PAPPA: variants seen among roughly 807,000 people sequenced by gnomAD.
The protein encoded by PAPPA is pappalysin-1.
Under a neutral mutation model 164.0 loss-of-function variants are expected in PAPPA, and 60 were observed. The ratio of observed to expected loss-of-function variants is 0.37; its 90% CI spans 0.30 to 0.45. PAPPA has a LOEUF of 0.45. PAPPA is among the 20% of genes least tolerant of loss of function. The pLI is 1.00. For missense variants in PAPPA, 1,782 were observed against 2,087.3 expected (o/e 0.85, Z 2.85); for synonymous variants, 875 against 814.1 (o/e 1.07, Z -1.27).
At chr9:116,334,812 G>A (rs1846039540) in intron 12 of PAPPA, 49 bp from the exon 13 acceptor site, 2 of 1,442,398 alleles carry the variant, frequency 1.4e-6, no homozygotes, top group South Asian at 1.2e-5. Flanking sequence ...GGCGTGACTG[G>A]CCTTGAGTAA....
At chr9:116,394,443 G>A (rs1403423932) in intron 21 of PAPPA, among the ~76,000 whole-genome samples, 2 of 152,164 alleles carry the variant, frequency 1.3e-5, no homozygotes, top group Admixed American at 6.5e-5. Context: ...CATTCAACGA[G>A]TATGAAGCAA....
At chr9:116,308,278 C>T (rs915122132) in intron 10 of PAPPA, among the ~76,000 whole-genome samples, 3 of 152,110 alleles carry the variant, frequency 2.0e-5, no homozygotes, top group Non-Finnish European at 2.9e-5. Flanking sequence ...GGAGTTTCCC[C>T]GAGGAAGAAA....
chr9:116,325,786 T>C (rs1393023458), intron 10 of PAPPA, among the ~76,000 whole-genome samples: 1 of 152,154 alleles, frequency 6.6e-6, no homozygotes, highest in Non-Finnish European at 1.5e-5. Context: ...GAGATGGTTC[T>C]ACACAGCAAA....
At chr9:116,158,912 AGTCCTC>A (rs1235514469) in intron 1 of PAPPA, among the ~76,000 whole-genome samples, 1 of 152,236 alleles carries the variant, frequency 6.6e-6, no homozygotes, top group Non-Finnish European at 1.5e-5. Flanking sequence ...TGTGAACCCA[AGTCCTC>A]GTTTCCTCTG....
intron 2 of PAPPA, among the ~76,000 whole-genome samples, chr9:116,199,037 A>G (rs1312662890): frequency 2.6e-5 from 4 of 152,194 alleles, no homozygotes; most frequent in Non-Finnish European, 5.9e-5. Context: ...GCCATTTAAA[A>G]GTAATGTTGA....
rs1377857978 is a variant in PAPPA, at chr9:116,400,977, G to C, written c.*4361G>C. ...GGAGGGCAGGAGATTTTGAGGCCCT[G>C]AGGTTTTAGGTGGGCTGTGAGGGCC... is the stretch of plus-strand genomic sequence containing the variant. On this transcript the variant is annotated 3_prime_UTR_variant, in exon 22 of 22. Transcript: ENST00000328252. The C allele has an allele frequency of 1.3e-5, 2 of 152,588 alleles. No individual in the cohort carries two copies. Among genetic ancestry groups the C allele is most frequent in the Non-Finnish European group, 1.5e-5 (1 of 68,040 alleles). The allele number at this position is 152,588 out of a possible 1,614,324, so 9.5% of individuals were successfully genotyped here. A position where few individuals can be genotyped will look rare whatever the true frequency, so the allele number is the denominator to read the frequency against.
chr9:116,288,533 G>T (rs1366696963), intron 9 of PAPPA: 1 of 147,974 alleles, frequency 6.8e-6, no homozygotes, highest in African/African-American at 2.5e-5. Flanking sequence ...TGAGAGATGA[G>T]AAAGACATAT....
intron 7 of PAPPA, among the ~76,000 whole-genome samples, chr9:116,254,798 AAAAAG>A (rs1173945657): frequency 1.3e-5 from 2 of 151,060 alleles, no homozygotes; most frequent in African/African-American, 2.4e-5. Flanking sequence ...AAAAAAAAAA[AAAAAG>A]AGAGAAAGAA....
chr9:116,387,126 G>T (rs915784522), intron 21 of PAPPA, among the ~76,000 whole-genome samples: 4 of 152,036 alleles, frequency 2.6e-5, no homozygotes, highest in Non-Finnish European at 5.9e-5. Flanking sequence ...CTAAATCACA[G>T]GAATTCAGTT....
chr9:116,376,669 A>C (rs919291453), intron 19 of PAPPA, among the ~76,000 whole-genome samples: 1 of 152,186 alleles, frequency 6.6e-6, no homozygotes, highest in Non-Finnish European at 1.5e-5. Flanking sequence ...TTTAAAGAGG[A>C]GGCTATAAAT....
intron 1 of PAPPA, among the ~76,000 whole-genome samples, chr9:116,176,457 C>G (rs1265486900): frequency 6.6e-6 from 1 of 152,088 alleles, no homozygotes; most frequent in East Asian, 1.9e-4. Context: ...GATTAAGCAC[C>G]AGCTTTGTTT....
In PAPPA at chr9:116,154,626, G is replaced by A; in HGVS notation, c.415+39G>A. 4 of 1,288,886 alleles carry A rather than the reference G, an allele frequency of 3.1e-6. No homozygotes were observed. The highest frequency in any genetic ancestry group is 3.9e-6 in the Non-Finnish European group (4 of 1,017,302). 79.8% of individuals were successfully genotyped at this position (1,288,886 alleles called of 1,614,324 possible). A position where few individuals can be genotyped will look rare whatever the true frequency, so the allele number is the denominator to read the frequency against. On this transcript the variant is annotated intron_variant, in intron 1 of 21. Transcript: ENST00000328252. The surrounding 1 kb of genome is among the most constrained non-coding windows in gnomAD (Gnocchi z 5.2). ...CCTCGGCGGGCGCTGCACCGTCCCT[G>A]CGGCCCCAGAGGCTCGCGGGTGTCT...
chr9:116,251,926 C>T (rs1231556092), intron 7 of PAPPA, among the ~76,000 whole-genome samples: 1 of 152,186 alleles, frequency 6.6e-6, no homozygotes, highest in East Asian at 1.9e-4. Flanking sequence ...TACCTCGTCC[C>T]GGGATTCGAA....
intron 14 of PAPPA, among the ~76,000 whole-genome samples, chr9:116,345,927 C>T (rs770151914): frequency 1.6e-4 from 24 of 152,130 alleles, no homozygotes; most frequent in Non-Finnish European, 3.1e-4. Context: ...GTGGACTTTG[C>T]CTTCAAACTG....
At chr9:116,157,218 C>T (rs569933504) in intron 1 of PAPPA, among the ~76,000 whole-genome samples, 1 of 152,202 alleles carries the variant, frequency 6.6e-6, no homozygotes. Context: ...TCCTGGTAGG[C>T]GGGCTATGCT....
intron 9 of PAPPA, among the ~76,000 whole-genome samples, chr9:116,272,718 T>C (rs1291768032): frequency 1.3e-5 from 2 of 152,152 alleles, no homozygotes; most frequent in East Asian, 3.9e-4. Context: ...AAATTTTCTC[T>C]CCTCTGTTGA....
intron 13 of PAPPA, among the ~76,000 whole-genome samples, chr9:116,340,982 G>A (rs972322600): frequency 5.3e-5 from 8 of 151,322 alleles, no homozygotes; most frequent in South Asian, 2.1e-4. Flanking sequence ...CATTTCTCTC[G>A]CTCTTTCTCT....
At chr9:116,178,537 A>T (rs554966088) in intron 1 of PAPPA, among the ~76,000 whole-genome samples, 1 of 152,344 alleles carries the variant, frequency 6.6e-6, no homozygotes, top group East Asian at 1.9e-4. Context: ...ACTTATTATT[A>T]TCAGTTTACA....
intron 7 of PAPPA, among the ~76,000 whole-genome samples, chr9:116,258,777 T>A (rs1844966013): frequency 6.6e-6 from 1 of 152,362 alleles, no homozygotes; most frequent in East Asian, 1.9e-4. Flanking sequence ...TAACTAGTGC[T>A]GGACAAATAA....
Sources: gnomAD v4.1 joint callset for allele counts (sites outside exome capture counted in the v4.1 genomes callset) on GRCh38, gnomAD v4.1.1 for gene constraint, Gnocchi (gnomAD v3.1) non-coding constraint, MANE v1.5 for transcripts, NCBI Gene and HGNC (gene_info 2026-07-23, HGNC 2026-07-21) for gene names.